CDK15: variants seen among roughly 807,000 people sequenced by gnomAD.
The protein encoded by CDK15 is cyclin dependent kinase 15.
CDK15 carries 62 observed loss-of-function variants against 60.3 expected under a neutral mutation model. The ratio of observed to expected loss-of-function variants is 1.03; its 90% confidence interval spans 0.84 to 1.27. The LOEUF (loss-of-function observed/expected upper bound fraction) is 1.27, where lower values mean the gene tolerates loss of function less well. CDK15 is among the 50% of genes most tolerant of loss of function. CDK15 has a pLI of 0.00. For missense variants in CDK15, 541 were observed against 527.8 expected, an observed-to-expected ratio of 1.03 and a Z score of -0.25; for synonymous variants, 194 against 195.7, an observed-to-expected ratio of 0.99 and a Z score of 0.07.
intron 10 of CDK15, chr2:201,860,644 C>T: frequency 7.9e-7 from 1 of 1,263,324 alleles, no homozygotes; most frequent in Non-Finnish European, 1.0e-6. Flanking sequence ...GTACTAAAAG[C>T]CCTGCAGGGA....
chr2:201,857,113 C>T lies in CDK15; in HGVS notation c.1009+2176C>T, dbSNP rs1225975958. 5.0e-5 allele frequency among the ~76,000 whole-genome samples: 4 copies of T among 80,306 alleles called. 1 individual carries two copies. The highest frequency in any genetic ancestry group is 1.9e-4 in the African/African-American group (2 of 10,260). 52.7% of individuals were successfully genotyped at this position (80,306 alleles called of 152,430 possible). A position where few individuals can be genotyped will look rare whatever the true frequency, so the allele number is the denominator to read the frequency against. On this transcript the variant is annotated intron_variant, in intron 10 of 13. Coordinates refer to ENST00000652192, the MANE Select transcript of CDK15 (RefSeq NM_001366386.2). ...CGGTGGCGGGCGCCTGTAGTCCCAG[C>T]TACTCGGGAGGCTGAGGCAGGAGAA...
chr2:201,823,517 G>T (rs1164058725), intron 5 of CDK15, 148 bp from the exon 6 acceptor site: 2 of 686,174 alleles, frequency 2.9e-6, no homozygotes, highest in Non-Finnish European at 2.5e-6. Context: ...TGGGTTCTCA[G>T]AAAACCTGGT....
rs1400853244 is a variant in CDK15, at chr2:201,858,447, TTCC to T, written c.1009+3512_1009+3514del. Among the ~76,000 whole-genome samples the T allele has an allele frequency of 2.1e-5, 3 of 143,290 alleles. No homozygotes were observed. The South Asian group carries it at 7.5e-4, about 36-fold the overall frequency. 94.0% of individuals were successfully genotyped at this position (143,290 alleles called of 152,430 possible). A position where few individuals can be genotyped will look rare whatever the true frequency, so the allele number is the denominator to read the frequency against. ...TTCTCTCTTTCACTCCCTCCCTCCC[TTCC>T]TTTCTGTCTCCCCCACTCCCCGTTT... On this transcript the variant is annotated intron_variant, in intron 10 of 13. Coordinates refer to ENST00000652192, the MANE Select transcript of CDK15 (RefSeq NM_001366386.2).
intron 10 of CDK15, chr2:201,861,522 AG>A: frequency 1.0e-6 from 1 of 981,492 alleles, no homozygotes; most frequent in Non-Finnish European, 1.2e-6. Flanking sequence ...ACTCAATAAA[AG>A]TTCCCATTCA....
chr2:201,812,563 G>C lies in CDK15; in HGVS notation c.448+1G>C. Reference sequence around the variant, plus strand: ...GTCCCATTTACAGCTATCCGAGAAGGTAAGAACAGCAGAAATGGACCCAAT... The same window carrying C: ...GTCCCATTTACAGCTATCCGAGAAGCTAAGAACAGCAGAAATGGACCCAAT... On this transcript the variant is annotated splice_donor_variant, in intron 4 of 13. Coordinates refer to ENST00000652192, the MANE Select transcript of CDK15 (RefSeq NM_001366386.2). LOFTEE classifies it high-confidence loss of function. 1 of 1,609,836 alleles carries C rather than the reference G, an allele frequency of 6.2e-7. No individual in the cohort carries two copies. Among genetic ancestry groups the C allele is most frequent in the Non-Finnish European group, 8.5e-7 (1 of 1,176,682 alleles).
chr2:201,840,809 C>G (rs1201121727), intron 8 of CDK15, among the ~76,000 whole-genome samples: 3 of 152,102 alleles, frequency 2.0e-5, no homozygotes, highest in African/African-American at 7.2e-5. Flanking sequence ...GTTTTAAAGA[C>G]TTTTTTCTTT....
At chr2:201,859,773 A>G (rs1161904082) in intron 10 of CDK15, among the ~76,000 whole-genome samples, 2 of 152,240 alleles carry the variant, frequency 1.3e-5, no homozygotes, top group Non-Finnish European at 2.9e-5. Flanking sequence ...TATTTTTAAT[A>G]ATATTTTCTG....
intron 3 of CDK15, among the ~76,000 whole-genome samples, chr2:201,809,919 T>G (rs1695680647): frequency 1.3e-5 from 2 of 152,028 alleles, no homozygotes; most frequent in African/African-American, 4.8e-5. Context: ...AGTGTTACCT[T>G]ATTTATAAAA....
intron 4 of CDK15, among the ~76,000 whole-genome samples, chr2:201,816,086 C>T (rs1358032180): frequency 6.6e-6 from 1 of 152,094 alleles, no homozygotes; most frequent in Non-Finnish European, 1.5e-5. Context: ...TTTTATTATA[C>T]ATTTTATATA....
At chr2:201,831,785 C>T (rs1696762518) in intron 6 of CDK15, among the ~76,000 whole-genome samples, 1 of 152,070 alleles carries the variant, frequency 6.6e-6, no homozygotes, top group South Asian at 2.1e-4. Flanking sequence ...AGCTGGCTCT[C>T]TCCTTCCCTG....
chr2:201,861,551 G>GTTTTTTTTTTTTTGTTTT (rs538808229), intron 10 of CDK15: 1 of 627,226 alleles, frequency 1.6e-6, no homozygotes, highest in African/African-American at 2.5e-5. Context: ...TTGTTGGTTT[G>GTTTTTTTTTTTTTGTTTT]TTTTTTTTTT....
At chr2:201,888,516 C>A in intron 12 of CDK15, 1 of 1,530,378 alleles carries the variant, frequency 6.5e-7, no homozygotes, top group South Asian at 1.2e-5. Context: ...GAGGAGTCAC[C>A]AGAGTGGAAG....
At chr2:201,808,738 C>A (rs1013696295) in intron 3 of CDK15, 1 of 152,324 alleles carries the variant, frequency 6.6e-6, no homozygotes, top group African/African-American at 2.4e-5. Context: ...TTACAGATTT[C>A]TTTGTTCCTT....
Position 201,860,799 on chromosome 2 carries a change from A to G in CDK15, c.1009+5862A>G, listed in dbSNP as rs768685544. 2.1e-5 allele frequency: 28 copies of G among 1,352,080 alleles called. No individual in the cohort carries two copies. In the Admixed American group the frequency reaches 3.4e-4, roughly 17 times the overall value. The allele number at this position is 1,352,080 out of a possible 1,614,324, so 83.8% of individuals were successfully genotyped here. On this transcript the variant is annotated intron_variant, in intron 10 of 13. Transcript: ENST00000652192. ...ACATCGGACAGCATCGTACTGCAGCAATGCAGCCTTGTTCTAGGAATGTCT... is the reference window on the plus strand; with the variant it reads ...ACATCGGACAGCATCGTACTGCAGCGATGCAGCCTTGTTCTAGGAATGTCT...
intron 8 of CDK15, among the ~76,000 whole-genome samples, chr2:201,836,055 ATATTATATATATTTATAT>A (rs1183691156): frequency 1.0e-5 from 1 of 96,636 alleles, no homozygotes; most frequent in Non-Finnish European, 1.8e-5. Flanking sequence ...ATTTATATAT[ATATTATATATATTTATAT>A]TTATATATAT....
chr2:201,821,144 C>T (rs541363427), intron 4 of CDK15, among the ~76,000 whole-genome samples: 3 of 152,280 alleles, frequency 2.0e-5, no homozygotes, highest in Non-Finnish European at 2.9e-5. Context: ...GGCTAAATCC[C>T]ACAGGTTTAG....
intron 4 of CDK15, among the ~76,000 whole-genome samples, chr2:201,819,272 G>A (rs1696121607): frequency 1.3e-5 from 2 of 152,158 alleles, no homozygotes; most frequent in Admixed American, 1.3e-4. Context: ...TGAAGGCAGA[G>A]AGGTGAGAAG....
chr2:201,844,815 G>T (rs571660550), intron 8 of CDK15, among the ~76,000 whole-genome samples: 1 of 151,898 alleles, frequency 6.6e-6, no homozygotes, highest in African/African-American at 2.4e-5. Flanking sequence ...AAAAGAAAAA[G>T]AATAAAATGG....
At chr2:201,821,652 G>A (rs1696223308) in intron 4 of CDK15, among the ~76,000 whole-genome samples, 1 of 151,950 alleles carries the variant, frequency 6.6e-6, no homozygotes, top group Admixed American at 6.6e-5. Flanking sequence ...CTTCATGCAG[G>A]GTTGCCCTGA....
Sources: gnomAD v4.1 joint callset for allele counts (sites outside exome capture counted in the v4.1 genomes callset) on GRCh38, gnomAD v4.1.1 for gene constraint, MANE v1.5 for transcripts, NCBI Gene and HGNC (gene_info 2026-07-23, HGNC 2026-07-21) for gene names.